KIAA1755: variants seen among roughly 807,000 people sequenced by gnomAD.
KIAA1755 encodes the protein KIAA1755, also known as uncharacterized protein KIAA1755.
KIAA1755 carries 68 observed loss-of-function variants against 91.7 expected under a neutral mutation model. That is an observed-to-expected ratio of 0.74 (90% CI 0.61 to 0.91). KIAA1755 has a LOEUF of 0.91. Among genes scored for constraint, KIAA1755 ranks in the 40% least tolerant of loss-of-function variants. KIAA1755 has a pLI of 0.00. For synonymous variants in KIAA1755, 610 were observed against 604.6 expected (o/e 1.01, Z -0.13); for missense variants, 1,535 against 1,494.4 (o/e 1.03, Z -0.45).
At chr20:38,257,597 A>G (rs941442681) in intron 1 of KIAA1755, among the ~76,000 whole-genome samples, 1 of 151,868 alleles carries the variant, frequency 6.6e-6, no homozygotes, top group Admixed American at 6.6e-5. Flanking sequence ...AAAAAAAAAA[A>G]AAAACCTGAA....
intron 2 of KIAA1755, among the ~76,000 whole-genome samples, chr20:38,243,826 A>G (rs1338062703): frequency 2.6e-5 from 4 of 152,252 alleles, no homozygotes; most frequent in Admixed American, 1.3e-4. Context: ...GCCAATAGCT[A>G]CTGGGCACTT....
intron 5 of KIAA1755, among the ~76,000 whole-genome samples, chr20:38,228,941 G>C (rs1568746081): frequency 6.6e-6 from 1 of 152,128 alleles, no homozygotes; most frequent in Non-Finnish European, 1.5e-5. Flanking sequence ...GACTATCTTA[G>C]GATTTTCCAA....
At chr20:38,253,207 G>A (rs1368971414) in intron 1 of KIAA1755, among the ~76,000 whole-genome samples, 1 of 152,152 alleles carries the variant, frequency 6.6e-6, no homozygotes, top group Non-Finnish European at 1.5e-5. Flanking sequence ...GCAGAACCAG[G>A]CCCGCACTGC....
intron 8 of KIAA1755, 190 bp downstream of exon 8, chr20:38,225,475 T>C: frequency 5.1e-6 from 3 of 585,288 alleles, no homozygotes; most frequent in Non-Finnish European, 9.1e-6. Flanking sequence ...AGAGCTGGGA[T>C]TGCAATGTAG....
intron 1 of KIAA1755, among the ~76,000 whole-genome samples, chr20:38,253,715 CAT>C (rs2123332548): frequency 6.6e-6 from 1 of 152,302 alleles, no homozygotes; most frequent in Admixed American, 6.5e-5. Flanking sequence ...TAATTTTCTT[CAT>C]AGTTTCCCGG....
rs369958717 is a variant in KIAA1755 at position 38,222,587 on chromosome 20, C to T, written c.2279G>A (p.Arg760Lys). ...DPPGGMQEAT[R>K]CLSKSKELME... ...CAGCTCCTTGGACTTGCTCAGGCACCTGGTAGCCTCCTGCCAGCGTAGGGA... is the reference window on the plus strand; with the variant it reads ...CAGCTCCTTGGACTTGCTCAGGCACTTGGTAGCCTCCTGCCAGCGTAGGGA... The change falls in exon 10 of 14, where the codon AGG becomes AAG. Residue 760 changes from arginine to lysine, a missense_variant. By Grantham distance (26) the Arg-to-Lys change is conservative (BLOSUM62 2). Coordinates refer to ENST00000279024, the MANE Select transcript of KIAA1755 (RefSeq NM_001029864.2). 1 of 1,612,310 alleles carries T rather than the reference C, an allele frequency of 6.2e-7. No individual in the cohort carries two copies. The highest frequency in any genetic ancestry group is 8.5e-7 in the Non-Finnish European group (1 of 1,179,988).
chr20:38,217,462 G>C lies in KIAA1755; in HGVS notation c.2692C>G (p.Arg898Gly). 2 of 1,606,172 alleles carry C rather than the reference G, an allele frequency of 1.2e-6. No homozygotes were observed. Among genetic ancestry groups the C allele is most frequent in the Non-Finnish European group, 1.7e-6 (2 of 1,176,668 alleles). ...GCCTGCTTGGACAGCTCCAGGCCTC[G>C]GCGGTACTGGGCCTGAGAGGGGAGA... ...FFLQAAAQYR[R>G]GLELSKQAAQ... The change falls in exon 13 of 14, where the codon CGA becomes GGA. Residue 898 changes from arginine (R) to glycine (G), a missense_variant. By Grantham distance (125) the Arg-to-Gly change is moderately radical (BLOSUM62 -2). Transcript: ENST00000279024.
chr20:38,248,573 T>C (rs1673281378), intron 1 of KIAA1755, among the ~76,000 whole-genome samples: 1 of 152,118 alleles, frequency 6.6e-6, no homozygotes, highest in African/African-American at 2.4e-5. Flanking sequence ...GGGGCCTCGG[T>C]GTCTGCACAG....
chr20:38,223,704 A>C, intron 8 of KIAA1755, 68 bp from the exon 9 acceptor site: 2 of 1,139,154 alleles, frequency 1.8e-6, no homozygotes, highest in Non-Finnish European at 2.6e-6. Flanking sequence ...CTTGCATCTC[A>C]GGAGCACAGA....
At chr20:38,214,626 CAGA>C (rs2075512504) in intron 13 of KIAA1755, among the ~76,000 whole-genome samples, 1 of 152,202 alleles carries the variant, frequency 6.6e-6, no homozygotes, top group African/African-American at 2.4e-5. Flanking sequence ...CCTTCATGGG[CAGA>C]AGGAGAAACC....
Position 38,241,165 on chromosome 20 carries a change from A to G in KIAA1755, c.966T>C (p.Pro322=). The change falls in exon 3 of 14, where the codon CCT becomes CCC. Residue 322 remains proline (P), a synonymous_variant. Coordinates refer to ENST00000279024, the MANE Select transcript of KIAA1755 (RefSeq NM_001029864.2). ...KETPLFQKIL[P]LSEANEGPSL... ...AAGGTCCTTCATTGGCCTCTGAGAG[A>G]GGCAGTATCTTTTGAAATAAGGGAG... 6.2e-7 allele frequency: 1 copy of G among 1,614,144 alleles called. No individual in the cohort carries two copies. The highest frequency in any genetic ancestry group is 8.5e-7 in the Non-Finnish European group (1 of 1,180,024).
At chr20:38,219,867 A>G (rs2075626804) in intron 10 of KIAA1755, 99 bp from the exon 11 acceptor site, 1 of 1,477,980 alleles carries the variant, frequency 6.8e-7, no homozygotes, top group African/African-American at 1.4e-5. Flanking sequence ...CTGTGGCCCC[A>G]GCCTGGGTTT....
Position 38,241,167 on chromosome 20 carries a change from G to T in KIAA1755, c.964C>A (p.Pro322Thr). 1 of 1,614,168 alleles carries T rather than the reference G, an allele frequency of 6.2e-7. No individual in the cohort carries two copies. ...KETPLFQKIL[P>T]LSEANEGPSL... is the part of the protein sequence containing the mutation. The stretch of plus-strand genomic sequence containing the variant: ...GGTCCTTCATTGGCCTCTGAGAGAG[G>T]CAGTATCTTTTGAAATAAGGGAGTT... Residue 322 changes from proline (P) to threonine (T), a missense_variant, in exon 3 of 14, where the codon CCT becomes ACT. Pro to Thr is a conservative substitution (Grantham distance 38). Transcript: ENST00000279024.
At chr20:38,219,280 A>T (rs959968760) in intron 11 of KIAA1755, among the ~76,000 whole-genome samples, 6 of 152,140 alleles carry the variant, frequency 3.9e-5, no homozygotes, top group African/African-American at 1.4e-4. Flanking sequence ...AGGTAACATA[A>T]TGTCTCCCAG....
intron 4 of KIAA1755, among the ~76,000 whole-genome samples, chr20:38,232,722 C>T (rs1338801102): frequency 1.3e-5 from 2 of 151,916 alleles, no homozygotes; most frequent in African/African-American, 4.8e-5. Flanking sequence ...CTTTTTCCTA[C>T]TATTCACTTA....
At chr20:38,260,241 A>C in intron 1 of KIAA1755, 14 of 1,517,514 alleles carry the variant, frequency 9.2e-6, no homozygotes, top group East Asian at 2.6e-5. Flanking sequence ...GGGTTGGGGA[A>C]TATTAAAGTT....
intron 10 of KIAA1755, among the ~76,000 whole-genome samples, chr20:38,220,245 C>T (rs2123082436): frequency 6.6e-6 from 1 of 152,196 alleles, no homozygotes; most frequent in East Asian, 1.9e-4. Context: ...TAGTGCCCTG[C>T]CCCAGGCCAA....
At chr20:38,258,846 G>C (rs188750987) in intron 1 of KIAA1755, among the ~76,000 whole-genome samples, 15 of 152,318 alleles carry the variant, frequency 9.8e-5, no homozygotes, top group African/African-American at 3.6e-4. Context: ...AATCTGGAAA[G>C]AGTTGCTCAC....
chr20:38,249,344 G>A (rs1205445), intron 1 of KIAA1755, among the ~76,000 whole-genome samples: 49,351 of 152,046 alleles, frequency 0.32, 8,147 homozygotes, highest in Middle Eastern at 0.49. Flanking sequence ...AAAGGGAGAT[G>A]AGAATAAATA....
Sources: gnomAD v4.1 joint callset for allele counts (sites outside exome capture counted in the v4.1 genomes callset) on GRCh38, gnomAD v4.1.1 for gene constraint, MANE v1.5 for transcripts, NCBI Gene and HGNC (gene_info 2026-07-23, HGNC 2026-07-21) for gene names.